The following LIN28A variants were observed in gnomAD, a reference collection of about 807,000 sequenced individuals.
The protein encoded by LIN28A is protein lin-28 homolog A.
Under a neutral mutation model 21.1 loss-of-function variants are expected in LIN28A, and 11 were observed. That is an observed-to-expected ratio of 0.52 (90% CI 0.33 to 0.86). The LOEUF is 0.86. Among genes scored for constraint, LIN28A ranks in the 40% least tolerant of loss-of-function variants. The pLI is 0.03. For synonymous variants in LIN28A, 111 were observed against 108.7 expected, an observed-to-expected ratio of 1.02 and a Z score of -0.13; for missense variants, 219 against 279.8, an observed-to-expected ratio of 0.78 and a Z score of 1.55.
In LIN28A at chr1:26,428,059, G is replaced by C. The variant is rs1160013824; in HGVS notation, c.*1601G>C. On this transcript the variant is annotated 3_prime_UTR_variant, in exon 4 of 4. Coordinates refer to ENST00000326279, the MANE Select transcript of LIN28A (RefSeq NM_024674.6). ...CCTAAATGCTGCCCCCCAAGTTACTGTATTTGTCTGGGCTTTGTAGGACTT... is the reference window on the plus strand; with the variant it reads ...CCTAAATGCTGCCCCCCAAGTTACTCTATTTGTCTGGGCTTTGTAGGACTT... 1 of 152,672 alleles carries C rather than the reference G, an allele frequency of 6.5e-6. No homozygotes were observed. Among genetic ancestry groups the C allele is most frequent in the Non-Finnish European group, 1.5e-5 (1 of 68,074 alleles). The allele number at this position is 152,672 out of a possible 1,614,324, so 9.5% of individuals were successfully genotyped here. A position where few individuals can be genotyped will look rare whatever the true frequency, so the allele number is the denominator to read the frequency against.
At chr1:26,415,423 C>T (rs1301244115) in intron 2 of LIN28A, among the ~76,000 whole-genome samples, 1 of 152,136 alleles carries the variant, frequency 6.6e-6, no homozygotes, top group African/African-American at 2.4e-5. Flanking sequence ...TTACTCACCT[C>T]ATGTCTAGTT....
chr1:26,420,273 C>T, intron 2 of LIN28A, among the ~76,000 whole-genome samples: 1 of 152,074 alleles, frequency 6.6e-6, no homozygotes, highest in East Asian at 1.9e-4. Flanking sequence ...CCTTACAAAT[C>T]TAACTTTAAA....
intron 2 of LIN28A, among the ~76,000 whole-genome samples, chr1:26,412,220 T>C (rs376030435): frequency 4.3e-4 from 66 of 152,282 alleles, no homozygotes; most frequent in African/African-American, 1.4e-3. Flanking sequence ...AGGCCTTCCT[T>C]ACATTCCTGG....
At chr1:26,414,009 AG>A (rs2074978624) in intron 2 of LIN28A, among the ~76,000 whole-genome samples, 1 of 151,514 alleles carries the variant, frequency 6.6e-6, no homozygotes, top group Admixed American at 6.6e-5. Flanking sequence ...TTGTATTTTT[AG>A]TAAAGACGGG....
intron 2 of LIN28A, among the ~76,000 whole-genome samples, chr1:26,423,450 C>G (rs532035608): frequency 3.2e-4 from 21 of 66,024 alleles, no homozygotes; most frequent in African/African-American, 4.4e-4. Context: ...GTTGTTGTTG[C>G]CCAGGCTAGA....
intron 2 of LIN28A, among the ~76,000 whole-genome samples, chr1:26,421,981 G>A (rs900652334): frequency 9.3e-5 from 14 of 149,968 alleles, no homozygotes; most frequent in African/African-American, 3.2e-4. Flanking sequence ...ATATTTCAGT[G>A]CGTATTTCCC....
chr1:26,418,120 A>G (rs1041914920), intron 2 of LIN28A, among the ~76,000 whole-genome samples: 1 of 152,130 alleles, frequency 6.6e-6, no homozygotes, highest in Non-Finnish European at 1.5e-5. Flanking sequence ...AAAGGCATAA[A>G]TTGAAGCTGG....
At chr1:26,418,872 G>A (rs1031746552) in intron 2 of LIN28A, among the ~76,000 whole-genome samples, 2 of 150,552 alleles carry the variant, frequency 1.3e-5, no homozygotes, top group African/African-American at 4.9e-5. Flanking sequence ...GTTCTCTCCC[G>A]TGACCATAAC....
At chr1:26,418,104 G>A (rs79586373) in intron 2 of LIN28A, among the ~76,000 whole-genome samples, 1,779 of 151,578 alleles carry the variant, frequency 0.012, 53 homozygotes, top group African/African-American at 0.04. Context: ...CTATCTCTAA[G>A]CTTGCAAAGG....
In LIN28A at chr1:26,411,453, C is replaced by G. The variant is rs2074958784; in HGVS notation, c.99C>G (p.Asp33Glu). 4 of 1,611,418 alleles carry G rather than the reference C, an allele frequency of 2.5e-6. No homozygotes were observed. The highest frequency in any genetic ancestry group is 4.5e-5 in the East Asian group (2 of 44,732). ...CGGAGGACGCGGCCCGGGCGGCGGA[C>G]GAGCCTCAGCTGCTGCACGGTGCGG... ...EAPEDAARAA[D>E]EPQLLHGAGI... is the part of the protein sequence containing the mutation. The change falls in exon 2 of 4, where the codon GAC becomes GAG. Residue 33 changes from aspartate (D) to glutamate (E), a missense_variant. Around this residue, in one of 3 missense-constraint regions of LIN28A, gnomAD observed 50 missense variants for 49.0 expected, o/e 1.02. Coordinates refer to ENST00000326279, the MANE Select transcript of LIN28A (RefSeq NM_024674.6). This position sits in a 1 kb window ranked among gnomAD's most constrained non-coding sequence, Gnocchi z 5.4.
intron 2 of LIN28A, among the ~76,000 whole-genome samples, chr1:26,412,723 G>A (rs1270445520): frequency 6.6e-6 from 1 of 152,076 alleles, no homozygotes; most frequent in East Asian, 1.9e-4. Context: ...GTTGGAGCCT[G>A]AAGGGATGGC....
At chr1:26,418,551 AAAAAAG>A (rs1221905076) in intron 2 of LIN28A, among the ~76,000 whole-genome samples, 9 of 151,666 alleles carry the variant, frequency 5.9e-5, no homozygotes, top group African/African-American at 1.9e-4. Context: ...TTAAAAAAAA[AAAAAAG>A]AAAAAGAAAT....
At chr1:26,412,757 AGG>A (rs1478916964) in intron 2 of LIN28A, among the ~76,000 whole-genome samples, 1 of 152,010 alleles carries the variant, frequency 6.6e-6, no homozygotes, top group African/African-American at 2.4e-5. Context: ...GGGGTAGAGA[AGG>A]GAGATGCTGG....
chr1:26,414,558 G>A (rs149286221), intron 2 of LIN28A, among the ~76,000 whole-genome samples: 5 of 152,166 alleles, frequency 3.3e-5, no homozygotes, highest in African/African-American at 9.6e-5. Flanking sequence ...TAAGCAAAAC[G>A]ACAACAAAAC....
rs1403857933 is a variant in LIN28A at position 26,428,711 on chromosome 1, T to C, written c.*2253T>C. 1 of 152,192 alleles carries C rather than the reference T, an allele frequency of 6.6e-6. No homozygotes were observed. The highest frequency in any genetic ancestry group is 2.4e-5 in the African/African-American group (1 of 41,436). 9.4% of individuals were successfully genotyped at this position (152,192 alleles called of 1,614,324 possible). On this transcript the variant is annotated 3_prime_UTR_variant, in exon 4 of 4. Transcript: ENST00000326279. ...ACCCGCCACACTCAGCTAATTTTTG[T>C]ATTTTTAGTAGAGACGGGGTTTCAC...
intron 2 of LIN28A, among the ~76,000 whole-genome samples, chr1:26,412,880 T>C (rs1037248695): frequency 2.6e-5 from 4 of 152,054 alleles, no homozygotes; most frequent in South Asian, 4.1e-4. Context: ...GTTGGGGCCA[T>C]GGGGTCAGTG....
In LIN28A at chr1:26,426,352, C is replaced by T. The variant is rs376620145; in HGVS notation, c.524C>T (p.Pro175Leu). The T allele has an allele frequency of 7.4e-6, 12 of 1,614,196 alleles. No individual in the cohort carries two copies. Among genetic ancestry groups the T allele is most frequent in the Non-Finnish European group, 9.3e-6 (11 of 1,180,002 alleles). The change falls in exon 4 of 4, where the codon CCG (proline) becomes CTG (leucine). Residue 175 changes from proline to leucine, a missense_variant. Physicochemically the swap from Pro to Leu is moderately conservative, Grantham distance 98. This residue lies in a region of LIN28A where 124 missense variants were observed against 193.1 expected (regional missense o/e 0.64). Transcript: ENST00000326279. ...ATCAGCCATATGGTAGCCTCATGTC[C>T]GCTGAAGGCCCAGCAGGGCCCTAGT... ...QSISHMVASC[P>L]LKAQQGPSAQ... is the part of the protein sequence containing the mutation.
chr1:26,417,332 A>G (rs967777558), intron 2 of LIN28A, among the ~76,000 whole-genome samples: 5 of 152,112 alleles, frequency 3.3e-5, no homozygotes, highest in African/African-American at 1.2e-4. Context: ...AACCTCCTTG[A>G]CACACACCCT....
rs2074960581 is a variant in LIN28A, at chr1:26,411,666, T to C, written c.228+84T>C. On this transcript the variant is annotated intron_variant, in intron 2 of 3. Transcript: ENST00000326279. This position sits in a 1 kb window ranked among gnomAD's most constrained non-coding sequence, Gnocchi z 5.4. The stretch of plus-strand genomic sequence containing the variant: ...GGTGGGCTCCGGGCTCGCAGTTGAA[T>C]TGAGGGCCATCGGGAGCCCTCATTA... 2 of 1,396,636 alleles carry C rather than the reference T, an allele frequency of 1.4e-6. No homozygotes were observed. The highest frequency in any genetic ancestry group is 1.5e-5 in the African/African-American group (1 of 67,984). 86.5% of individuals were successfully genotyped at this position (1,396,636 alleles called of 1,614,324 possible).
Sources: allele counts gnomAD v4.1 joint callset (sites outside exome capture counted in the v4.1 genomes callset), GRCh38; gene constraint gnomAD v4.1.1; regional missense constraint gnomAD v4.1.1; non-coding constraint Gnocchi (gnomAD v3.1); transcripts MANE v1.5; gene names NCBI Gene and HGNC (gene_info 2026-07-23, HGNC 2026-07-21).